The following ZFHX3 variants were observed in gnomAD, a reference collection of about 807,000 sequenced individuals.
ZFHX3 encodes the protein zinc finger homeobox 3.
A neutral mutation model predicts 279.1 loss-of-function variants in ZFHX3; 42 were observed. The observed-to-expected ratio is 0.15, with a 90% CI of 0.12 to 0.19. The LOEUF is 0.19. ZFHX3 is among the 10% of genes least tolerant of loss of function. The pLI is 1.00. For missense variants in ZFHX3, 4,981 were observed against 4,754.0 expected (o/e 1.05, Z -1.40); for synonymous variants, 2,293 against 1,957.8 (o/e 1.17, Z -4.52).
intron 1 of ZFHX3, among the ~76,000 whole-genome samples, chr16:73,058,176 C>G (rs1376946108): frequency 6.9e-6 from 1 of 145,322 alleles, no homozygotes; most frequent in Non-Finnish European, 1.5e-5. Flanking sequence ...CCTCCACCCT[C>G]CCGGGGGTCG....
At chr16:73,718,028 C>T (rs910937347) in intron 1 of ZFHX3, among the ~76,000 whole-genome samples, 8 of 152,188 alleles carry the variant, frequency 5.3e-5, no homozygotes, top group African/African-American at 1.9e-4. Flanking sequence ...TATTCTCATA[C>T]AAATTCAAAC....
At position 73,725,964 on chromosome 16, in the gene ZFHX3, C is replaced by T. The variant is rs78957654; in HGVS notation, c.-1607-45724G>A. Reference sequence around the variant, plus strand: ...TTTAATTTTTGTCCTTATATGGATTCCTTTCACCATCCATTAAATAAATAG... The same window carrying T: ...TTTAATTTTTGTCCTTATATGGATTTCTTTCACCATCCATTAAATAAATAG... On this transcript the variant is annotated intron_variant, in intron 1 of 17. Coordinates refer to the ZFHX3 transcript ENST00000641206. Among the ~76,000 whole-genome samples, 1,248 of 152,174 alleles carry T rather than the reference C, an allele frequency of 8.2e-3. 48 individuals carry two copies. The highest frequency in any genetic ancestry group is 0.058 in the Admixed American group (890 of 15,280).
chr16:73,467,988 G>A (rs1467021164), intron 2 of ZFHX3, among the ~76,000 whole-genome samples: 1 of 152,192 alleles, frequency 6.6e-6, no homozygotes, highest in African/African-American at 2.4e-5. Context: ...AGTCTTTAAT[G>A]CCCAATGAAA....
rs925120781 is a variant in ZFHX3 at position 72,853,346 on chromosome 16, A to G, written c.3449-23487T>C. Among the ~76,000 whole-genome samples, 5 of 152,376 alleles carry G rather than the reference A, an allele frequency of 3.3e-5. No individual in the cohort carries two copies. In the East Asian group the frequency reaches 5.8e-4, roughly 18 times the overall value. ...GAGCTATAAATCTGTGAAGACTCCA[A>G]TAATTTCTAGCCAAGGGAATAACAC... On this transcript the variant is annotated intron_variant, in intron 4 of 9. Coordinates refer to ENST00000268489, the MANE Select transcript of ZFHX3 (RefSeq NM_006885.4).
chr16:73,029,740 C>A (rs1484337451), intron 1 of ZFHX3, among the ~76,000 whole-genome samples: 1 of 152,216 alleles, frequency 6.6e-6, no homozygotes, highest in Non-Finnish European at 1.5e-5. Flanking sequence ...GCGTGGACAT[C>A]TTTAGGTGGC....
At chr16:73,058,625 C>T (rs1215215885) in exon 1 of ZFHX3, 3 of 231,916 alleles carry the variant, frequency 1.3e-5, no homozygotes, top group Non-Finnish European at 1.6e-5. Context: ...AAAAGAGGCG[C>T]TCGGGCCGCG....
At chr16:73,809,585 C>A (rs911856822) in intron 1 of ZFHX3, 2 of 152,142 alleles carry the variant, frequency 1.3e-5, no homozygotes, top group Non-Finnish European at 2.9e-5. Flanking sequence ...AGTGAAAGTG[C>A]ATTGACTGGG....
intron 3 of ZFHX3, among the ~76,000 whole-genome samples, chr16:73,359,190 T>C (rs2016394904): frequency 6.6e-6 from 1 of 151,908 alleles, no homozygotes; most frequent in South Asian, 2.1e-4. Context: ...GGTTTTTTTT[T>C]TTTTTTTTTA....
At chr16:73,222,949 A>G (rs1243931585) in intron 5 of ZFHX3, among the ~76,000 whole-genome samples, 1 of 152,172 alleles carries the variant, frequency 6.6e-6, no homozygotes, top group Non-Finnish European at 1.5e-5. Context: ...AAAAAGAAGG[A>G]AAGGACATGT....
chr16:73,209,596 T>C (rs2011937192), intron 5 of ZFHX3, among the ~76,000 whole-genome samples: 1 of 152,192 alleles, frequency 6.6e-6, no homozygotes, highest in African/African-American at 2.4e-5. Flanking sequence ...TCTCCCAACA[T>C]TGTTGTGTTG....
intron 2 of ZFHX3, among the ~76,000 whole-genome samples, chr16:73,619,023 G>C (rs2052331860): frequency 6.6e-6 from 1 of 152,128 alleles, no homozygotes; most frequent in Admixed American, 6.5e-5. Flanking sequence ...GAACATCCTA[G>C]TTTATTAAAA....
At chr16:73,221,514 A>C (rs925796754) in intron 5 of ZFHX3, among the ~76,000 whole-genome samples, 13 of 152,252 alleles carry the variant, frequency 8.5e-5, no homozygotes, top group African/African-American at 3.1e-4. Context: ...CAGTGTACAC[A>C]GCTCAGGTAA....
chr16:73,629,944 T>C (rs1020692481), intron 2 of ZFHX3, among the ~76,000 whole-genome samples: 7 of 152,206 alleles, frequency 4.6e-5, no homozygotes, highest in African/African-American at 1.7e-4. Flanking sequence ...AAGCTCTTGA[T>C]GTAAATGAAA....
intron 2 of ZFHX3, among the ~76,000 whole-genome samples, chr16:73,551,400 T>C (rs1461408974): frequency 6.6e-6 from 1 of 152,240 alleles, no homozygotes; most frequent in Non-Finnish European, 1.5e-5. Context: ...ATCTGTTTTG[T>C]CTTAAAAGTA....
intron 1 of ZFHX3, among the ~76,000 whole-genome samples, chr16:72,991,569 G>A (rs1266641095): frequency 6.6e-6 from 1 of 152,214 alleles, no homozygotes; most frequent in Non-Finnish European, 1.5e-5. Flanking sequence ...ATTTAGCACA[G>A]TAGATGCTTA....
intron 1 of ZFHX3, among the ~76,000 whole-genome samples, chr16:73,769,115 C>A (rs1323529508): frequency 6.6e-6 from 1 of 152,132 alleles, no homozygotes. Context: ...GCAAGCCTGA[C>A]CCTGACCTTG....
intron 4 of ZFHX3, among the ~76,000 whole-genome samples, chr16:73,272,799 C>T (rs539288535): frequency 1.3e-5 from 2 of 152,208 alleles, no homozygotes; most frequent in Admixed American, 1.3e-4. Flanking sequence ...CAGGCTGGAG[C>T]ACAGTGGCGA....
rs1034708958 is a variant in ZFHX3, at chr16:73,218,627, G to C, written c.-1104+38420C>G. 2.0e-5 allele frequency among the ~76,000 whole-genome samples: 3 copies of C among 152,112 alleles called. No homozygotes were observed. The East Asian group carries it at 5.8e-4, about 29-fold the overall frequency. ...CTACTAAAAACACAAAACTTGGCTGGGTGTGGTGGTGTGCACCTGTAGTCC... is the reference window on the plus strand; with the variant it reads ...CTACTAAAAACACAAAACTTGGCTGCGTGTGGTGGTGTGCACCTGTAGTCC... On this transcript the variant is annotated intron_variant, in intron 5 of 17. Transcript: ENST00000641206.
At chr16:73,689,096 C>G (rs1390211320) in intron 1 of ZFHX3, among the ~76,000 whole-genome samples, 1 of 152,180 alleles carries the variant, frequency 6.6e-6, no homozygotes, top group Non-Finnish European at 1.5e-5. Flanking sequence ...TTAATGCAAA[C>G]CAACCCATTT....
Sources: gnomAD v4.1 joint callset for allele counts (sites outside exome capture counted in the v4.1 genomes callset) on GRCh38, gnomAD v4.1.1 for gene constraint, MANE v1.5 for transcripts, NCBI Gene and HGNC (gene_info 2026-07-23, HGNC 2026-07-21) for gene names.